The following PTPRM variants were observed in gnomAD, a reference collection of about 807,000 sequenced individuals.
The protein encoded by PTPRM is protein tyrosine phosphatase receptor type M, also known as receptor-type tyrosine-protein phosphatase mu.
PTPRM carries 47 observed loss-of-function variants against 186.7 expected under a neutral mutation model. The ratio of observed to expected loss-of-function variants is 0.25; its 90% CI spans 0.20 to 0.32. PTPRM has a LOEUF of 0.32. Ranked by LOEUF, PTPRM falls within the 10% of genes least tolerant of loss-of-function variation. The pLI, the probability that PTPRM is intolerant of heterozygous loss-of-function variation, is 1.00. For missense variants in PTPRM, 1,494 were observed against 1,865.0 expected (o/e 0.80, Z 3.66); for synonymous variants, 668 against 674.9 (o/e 0.99, Z 0.16).
At chr18:7,976,168 AAAAAAAT>A (rs1054069678) in intron 7 of PTPRM, among the ~76,000 whole-genome samples, 8 of 152,290 alleles carry the variant, frequency 5.3e-5, no homozygotes, top group East Asian at 3.9e-4. Flanking sequence ...ACTCCGTCTC[AAAAAAAT>A]AAAAAATAAA....
intron 7 of PTPRM, among the ~76,000 whole-genome samples, chr18:8,028,096 G>T (rs371107163): frequency 1.3e-5 from 2 of 152,112 alleles, no homozygotes; most frequent in East Asian, 3.9e-4. Context: ...TCCGCCTCCC[G>T]AGCTCAAGCC....
At chr18:7,775,892 C>A (rs1278404285) in intron 2 of PTPRM, among the ~76,000 whole-genome samples, 1 of 152,186 alleles carries the variant, frequency 6.6e-6, no homozygotes, top group Admixed American at 6.5e-5. Context: ...TTTCTTGTCA[C>A]CATCTTGTCC....
intron 2 of PTPRM, among the ~76,000 whole-genome samples, chr18:7,787,237 A>G (rs1568129845): frequency 2.0e-5 from 3 of 152,112 alleles, no homozygotes; most frequent in Non-Finnish European, 4.4e-5. Context: ...ATCTCTCCCC[A>G]TGTTGCCTGA....
intron 14 of PTPRM, among the ~76,000 whole-genome samples, chr18:8,243,348 A>G (rs2094449476): frequency 6.6e-6 from 1 of 152,202 alleles, no homozygotes; most frequent in South Asian, 2.1e-4. Context: ...ACCCAGCGAC[A>G]TGACATTTTT....
At chr18:8,362,318 A>T (rs2095601987) in intron 23 of PTPRM, among the ~76,000 whole-genome samples, 1 of 152,154 alleles carries the variant, frequency 6.6e-6, no homozygotes, top group Non-Finnish European at 1.5e-5. Flanking sequence ...CAGTGATTAC[A>T]TACACCTACA....
At chr18:7,742,924 T>A (rs1401014521) in intron 1 of PTPRM, among the ~76,000 whole-genome samples, 2 of 152,228 alleles carry the variant, frequency 1.3e-5, no homozygotes, top group Non-Finnish European at 2.9e-5. Flanking sequence ...TTGATTTGCA[T>A]AGATTATTTA....
intron 14 of PTPRM, among the ~76,000 whole-genome samples, chr18:8,169,269 C>G (rs2093364373): frequency 6.6e-6 from 1 of 151,246 alleles, no homozygotes; most frequent in Admixed American, 6.6e-5. Flanking sequence ...GGTCCTATAG[C>G]AGTATATCAC....
At position 7,902,678 on chromosome 18, in the gene PTPRM, C is replaced by G. The variant is rs79825224; in HGVS notation, c.469-3827C>G. On this transcript the variant is annotated intron_variant, in intron 3 of 32. Coordinates refer to ENST00000580170, the MANE Select transcript of PTPRM (RefSeq NM_001105244.2). ...AAACTGTCTGCATTGCTTAGATCTT[C>G]CAAAGCATGCGGTAGATATTTTATA... Among the ~76,000 whole-genome samples, 327 of 152,266 alleles carry G rather than the reference C, an allele frequency of 2.1e-3. 3 individuals carry two copies. Among genetic ancestry groups the G allele is most frequent in the African/African-American group, 7.6e-3 (314 of 41,536 alleles).
chr18:7,930,852 A>G (rs2051444854), intron 5 of PTPRM, among the ~76,000 whole-genome samples: 1 of 152,114 alleles, frequency 6.6e-6, no homozygotes, highest in Non-Finnish European at 1.5e-5. Flanking sequence ...AAATCTGATG[A>G]TGACACTAAT....
At chr18:8,339,004 G>A (rs35887101) in intron 22 of PTPRM, among the ~76,000 whole-genome samples, 41,547 of 151,898 alleles carry the variant, frequency 0.27, 5,871 homozygotes, top group East Asian at 0.47. Flanking sequence ...GCTTAGTGGT[G>A]AAGTGTGGGC....
chr18:8,371,425 C>T (rs1046295838), intron 24 of PTPRM, among the ~76,000 whole-genome samples: 1 of 152,104 alleles, frequency 6.6e-6, no homozygotes, highest in African/African-American at 2.4e-5. Context: ...AGACACAGGT[C>T]CTAACTCCTC....
At chr18:8,170,571 A>C (rs1157719638) in intron 14 of PTPRM, among the ~76,000 whole-genome samples, 3 of 151,588 alleles carry the variant, frequency 2.0e-5, no homozygotes, top group Non-Finnish European at 4.4e-5. Flanking sequence ...TGGGGCTTTT[A>C]AAAGAAATAT....
At chr18:8,088,273 C>G (rs544174129) in intron 10 of PTPRM, among the ~76,000 whole-genome samples, 246 of 127,082 alleles carry the variant, frequency 1.9e-3, no homozygotes, top group African/African-American at 7.2e-3. Context: ...CTCCCACTGT[C>G]CTCTTTAAAT....
intron 2 of PTPRM, among the ~76,000 whole-genome samples, chr18:7,849,217 T>C (rs1206064880): frequency 2.0e-5 from 3 of 152,222 alleles, no homozygotes; most frequent in Non-Finnish European, 2.9e-5. Context: ...GTTAAATTCC[T>C]ATGTCTATGA....
chr18:7,802,252 C>T (rs1028726821), intron 2 of PTPRM, among the ~76,000 whole-genome samples: 5 of 152,168 alleles, frequency 3.3e-5, no homozygotes, highest in Non-Finnish European at 7.3e-5. Context: ...GCTGCTGCCT[C>T]CTGTGTCCCT....
chr18:8,299,692 A>G (rs540988392), intron 20 of PTPRM, among the ~76,000 whole-genome samples: 120 of 152,358 alleles, frequency 7.9e-4, no homozygotes, highest in Admixed American at 2.7e-3. Flanking sequence ...TAAAGGGTCC[A>G]GTAGTAAATG....
intron 31 of PTPRM, among the ~76,000 whole-genome samples, chr18:8,390,962 TA>T (rs2095808184): frequency 6.8e-6 from 1 of 146,476 alleles, no homozygotes; most frequent in Non-Finnish European, 1.5e-5. Context: ...ATAATAATAA[TA>T]ATAATAAAGA....
intron 1 of PTPRM, among the ~76,000 whole-genome samples, chr18:7,681,125 A>C (rs2039470389): frequency 6.6e-6 from 1 of 152,132 alleles, no homozygotes; most frequent in African/African-American, 2.4e-5. Flanking sequence ...GAAAAGAAGT[A>C]ATTTGTTCTG....
rs1189348614 is a variant in PTPRM at position 7,774,250 on chromosome 18, T to G, written c.175T>G (p.Ser59Ala). 5 of 1,614,090 alleles carry G rather than the reference T, an allele frequency of 3.1e-6. No individual in the cohort carries two copies. The South Asian group carries it at 5.5e-5, about 18-fold the overall frequency. ...AGTGAACACCTTGACTAAACCGACT[T>G]CTGATCCATGGATGCCATCAGGTTT... ...EQVNTLTKPT[S>A]DPWMPSGSFM... The change falls in exon 2 of 33, where the codon TCT (serine) becomes GCT (alanine). Residue 59 changes from serine (S) to alanine (A), a missense_variant. Physicochemically the swap from Ser to Ala is moderately conservative, Grantham distance 99. This residue lies in a region of PTPRM where 296 missense variants were observed against 345.5 expected (regional missense o/e 0.86). Transcript: ENST00000580170.
Sources: gnomAD v4.1 joint callset for allele counts (sites outside exome capture counted in the v4.1 genomes callset) on GRCh38, gnomAD v4.1.1 for gene constraint, gnomAD v4.1.1 regional missense constraint, MANE v1.5 for transcripts, NCBI Gene and HGNC (gene_info 2026-07-23, HGNC 2026-07-21) for gene names.